The following UBR3 variants were observed in gnomAD, a reference collection of about 807,000 sequenced individuals.
The protein encoded by UBR3 is E3 ubiquitin-protein ligase UBR3.
In UBR3, 85 loss-of-function variants were observed where a neutral mutation model predicts 243.2. The ratio of observed to expected loss-of-function variants is 0.35; its 90% CI spans 0.29 to 0.42. UBR3 has a LOEUF of 0.42. Among genes scored for constraint, UBR3 ranks in the 10% least tolerant of loss-of-function variants. The probability of loss-of-function intolerance (pLI) is 1.00; values close to 1 mark genes in which losing one functional copy is unlikely to be tolerated. For synonymous variants in UBR3, 748 were observed against 799.8 expected (o/e 0.94, Z 1.09); for missense variants, 1,686 against 2,300.8 (o/e 0.73, Z 5.47).
intron 18 of UBR3, among the ~76,000 whole-genome samples, chr2:169,930,559 T>C (rs1267682523): frequency 2.6e-5 from 4 of 151,986 alleles, no homozygotes; most frequent in Non-Finnish European, 5.9e-5. Context: ...CTAATTTTCA[T>C]GTGTTTTGTA....
chr2:169,911,498 A>G (rs146915282), intron 10 of UBR3, among the ~76,000 whole-genome samples: 1 of 152,262 alleles, frequency 6.6e-6, no homozygotes, highest in Non-Finnish European at 1.5e-5. Context: ...AATTTGCTCA[A>G]GGTCATAAAA....
intron 32 of UBR3, among the ~76,000 whole-genome samples, chr2:170,049,842 G>T (rs1224389723): frequency 6.6e-6 from 1 of 152,090 alleles, no homozygotes. Flanking sequence ...TGCCCACTTG[G>T]TACATCATAT....
rs1460799733 is a variant in UBR3, at chr2:169,970,593, C to T, written c.3634+12067C>T. ...TGCAGTGTTTGGTTTTTTGTTCTTG[C>T]AATAGTTTGCTGAGAATGATGATTT... On this transcript the variant is annotated intron_variant, in intron 24 of 38. Coordinates refer to ENST00000272793, the MANE Select transcript of UBR3 (RefSeq NM_172070.4). 1.3e-4 allele frequency among the ~76,000 whole-genome samples: 15 copies of T among 114,168 alleles called. No homozygotes were observed. In the East Asian group the frequency reaches 1.8e-3, roughly 14 times the overall value. 74.9% of individuals were successfully genotyped at this position (114,168 alleles called of 152,430 possible). A position where few individuals can be genotyped will look rare whatever the true frequency, so the allele number is the denominator to read the frequency against.
chr2:170,073,543 A>T lies in UBR3; in HGVS notation c.5135A>T (p.Asp1712Val). 6.2e-7 allele frequency: 1 copy of T among 1,613,736 alleles called. No individual in the cohort carries two copies. Among genetic ancestry groups the T allele is most frequent in the Non-Finnish European group, 8.5e-7 (1 of 1,179,744 alleles). Residue 1712 changes from aspartate (D) to valine (V), a missense_variant, in exon 36 of 39, where the codon GAT becomes GTT. By Grantham distance (152) the Asp-to-Val change is radical. Transcript: ENST00000272793. ...CTGGATTGGCCAGTTCCAGCATTTGATATTATAACTCAGTGGTGTTTTGAG... is the reference window on the plus strand; with the variant it reads ...CTGGATTGGCCAGTTCCAGCATTTGTTATTATAACTCAGTGGTGTTTTGAG... ...SCLDWPVPAF[D>V]IITQWCFEIK...
At chr2:169,956,568 T>C (rs1319164364) in intron 23 of UBR3, among the ~76,000 whole-genome samples, 1 of 152,140 alleles carries the variant, frequency 6.6e-6, no homozygotes, top group Non-Finnish European at 1.5e-5. Flanking sequence ...AAAGAATTGT[T>C]GTTATAAAAT....
Position 169,905,133 on chromosome 2 carries a change from T to C in UBR3, c.1485T>C (p.His495=). The C allele has an allele frequency of 6.7e-7, 1 of 1,486,836 alleles. No individual in the cohort carries two copies. The highest frequency in any genetic ancestry group is 8.9e-7 in the Non-Finnish European group (1 of 1,119,404). 92.1% of individuals were successfully genotyped at this position (1,486,836 alleles called of 1,614,324 possible). The change falls in exon 9 of 39, where the codon CAT becomes CAC. Residue 495 remains histidine, a synonymous_variant. Coordinates refer to ENST00000272793, the MANE Select transcript of UBR3 (RefSeq NM_172070.4). ...SELQDEENSL[H]VVVNCGEALL... ...TTTTAGATGAAGAAAATAGTTTACA[T>C]GTGGTAGTGAACTGTGGAGAAGCAT...
chr2:169,945,878 A>G (rs2086772032), intron 20 of UBR3, among the ~76,000 whole-genome samples: 1 of 152,118 alleles, frequency 6.6e-6, no homozygotes, highest in South Asian at 2.1e-4. Flanking sequence ...GAATGTAGCT[A>G]CTCAAAATAC....
At chr2:169,904,640 G>A (rs1457019508) in intron 8 of UBR3, among the ~76,000 whole-genome samples, 1 of 151,868 alleles carries the variant, frequency 6.6e-6, no homozygotes, top group East Asian at 1.9e-4. Flanking sequence ...TTGTATTGAT[G>A]TATTTTTTGC....
At chr2:169,835,332 C>T (rs1031252815) in intron 1 of UBR3, among the ~76,000 whole-genome samples, 8 of 152,040 alleles carry the variant, frequency 5.3e-5, no homozygotes, top group Non-Finnish European at 1.0e-4. Flanking sequence ...ATAGTCACTG[C>T]ACTCCAGCCT....
intron 30 of UBR3, among the ~76,000 whole-genome samples, chr2:170,021,212 A>G (rs1446677211): frequency 1.3e-5 from 2 of 152,182 alleles, no homozygotes; most frequent in African/African-American, 2.4e-5. Flanking sequence ...TTTCAACACT[A>G]TAATTGTCAA....
intron 6 of UBR3, among the ~76,000 whole-genome samples, chr2:169,893,914 G>A (rs2105326366): frequency 6.6e-6 from 1 of 151,752 alleles, no homozygotes; most frequent in Admixed American, 6.6e-5. Flanking sequence ...GATTCTCTTG[G>A]GCCCTGTTTT....
rs184780161 is a variant in UBR3, at chr2:169,861,511, G to A, written c.546-10725G>A. Reference sequence around the variant, plus strand: ...AATCCTGGCTACTCGGGAGCCTGAGGCAGGAGAATCGTTGGAACCTGGGAT... The same window carrying A: ...AATCCTGGCTACTCGGGAGCCTGAGACAGGAGAATCGTTGGAACCTGGGAT... On this transcript the variant is annotated intron_variant, in intron 1 of 38. Transcript: ENST00000272793. Among the ~76,000 whole-genome samples, 872 of 151,814 alleles carry A rather than the reference G, an allele frequency of 5.7e-3. 7 individuals carry two copies. The highest frequency in any genetic ancestry group is 0.02 in the African/African-American group (815 of 41,352).
chr2:169,961,477 C>T (rs1278389417), intron 24 of UBR3, among the ~76,000 whole-genome samples: 8 of 152,102 alleles, frequency 5.3e-5, no homozygotes, highest in African/African-American at 1.7e-4. Context: ...ACTGCCATGC[C>T]TGGTTCAGAT....
At chr2:169,839,511 TAGAAG>T (rs71877072) in intron 1 of UBR3, among the ~76,000 whole-genome samples, 63,810 of 147,944 alleles carry the variant, frequency 0.43, 15,207 homozygotes, top group Non-Finnish European at 0.56. Flanking sequence ...ACAAAATAGC[TAGAAG>T]AGAAGAATTT....
chr2:169,857,075 T>G (rs1315865522), intron 1 of UBR3, among the ~76,000 whole-genome samples: 12 of 123,716 alleles, frequency 9.7e-5, no homozygotes, highest in Admixed American at 1.6e-4. Context: ...TTTTTTTTTT[T>G]TTTTTTTTTT....
chr2:169,874,003 A>G (rs1158096350), intron 2 of UBR3, among the ~76,000 whole-genome samples: 1 of 152,218 alleles, frequency 6.6e-6, no homozygotes, highest in Non-Finnish European at 1.5e-5. Context: ...AAATGTAGAC[A>G]ACGTAAGTAC....
chr2:170,043,681 G>A (rs1051069478), intron 32 of UBR3, among the ~76,000 whole-genome samples: 3 of 152,160 alleles, frequency 2.0e-5, no homozygotes, highest in African/African-American at 7.2e-5. Flanking sequence ...AGGTTGCTAT[G>A]CTTCTTTGCC....
At chr2:169,905,391 T>A in intron 9 of UBR3, 98 bp downstream of exon 9, 1 of 868,100 alleles carries the variant, frequency 1.2e-6, no homozygotes, top group Non-Finnish European at 1.6e-6. Flanking sequence ...TCATTCACGC[T>A]ACACATGAAA....
intron 36 of UBR3, chr2:170,078,231 C>T: frequency 2.1e-6 from 1 of 471,210 alleles, no homozygotes; most frequent in Non-Finnish European, 4.0e-6. Flanking sequence ...CCCTTTTTCT[C>T]ATGGTAATCC....
Sources: allele counts gnomAD v4.1 joint callset (sites outside exome capture counted in the v4.1 genomes callset), GRCh38; gene constraint gnomAD v4.1.1; transcripts MANE v1.5; gene names NCBI Gene and HGNC (gene_info 2026-07-23, HGNC 2026-07-21).